PTOV1: variants seen among roughly 807,000 people sequenced by gnomAD.
The protein encoded by PTOV1 is PTOV1 extended AT-hook containing adaptor protein.
Under a neutral mutation model 58.0 loss-of-function variants are expected in PTOV1, and 20 were observed. That is an observed-to-expected ratio of 0.34 (90% CI 0.24 to 0.50). The LOEUF is 0.50. PTOV1 is among the 20% of genes least tolerant of loss of function. The pLI is 0.98. For synonymous variants in PTOV1, 335 were observed against 234.2 expected, an observed-to-expected ratio of 1.43 and a Z score of -3.93; for missense variants, 593 against 565.4, an observed-to-expected ratio of 1.05 and a Z score of -0.50.
exon 10 of PTOV1, chr19:49,858,578 G>C: frequency 6.2e-7 from 1 of 1,605,068 alleles, no homozygotes; most frequent in Non-Finnish European, 8.5e-7. Context: ...TCCGGAACTC[G>C]CGCCTGGTCC....
chr19:49,850,834 G>A (rs551286794), upstream of PTOV1: 68 of 1,534,302 alleles, frequency 4.4e-5, no homozygotes, highest in South Asian at 4.8e-5. Context: ...CCTCTTCCCT[G>A]ATGTATTTTG....
rs1166262103 is a variant in PTOV1, at chr19:49,858,175, T to TG, written c.936+66dup. 5.3e-5 allele frequency: 84 copies of TG among 1,577,364 alleles called. No homozygotes were observed. The South Asian group carries it at 7.0e-4, about 13-fold the overall frequency. ...CAGTAGCTCTTCCAGAGGGCGGGGC[T>TG]GGGGGCAAGAGCGCCTCCCCAGGTG... On this transcript the variant is annotated intron_variant, in intron 9 of 11. Transcript: ENST00000391842.
chr19:49,857,204 C>A (rs1215605101), intron 6 of PTOV1, 74 bp downstream of exon 6: 2 of 1,570,838 alleles, frequency 1.3e-6, no homozygotes, highest in Non-Finnish European at 1.7e-6. Context: ...GGCAGCCAGA[C>A]TTGGTGTGGG....
intron 1 of PTOV1, chr19:49,851,803 C>A (rs1039391751): frequency 2.9e-6 from 3 of 1,027,092 alleles, no homozygotes; most frequent in Non-Finnish European, 3.5e-6. Flanking sequence ...GCAGCCGGCA[C>A]GCTCGCTTGT....
intron 6 of PTOV1, 54 bp downstream of exon 6, chr19:49,857,184 G>A (rs1297264821): frequency 6.2e-7 from 1 of 1,602,530 alleles, no homozygotes; most frequent in African/African-American, 1.3e-5. Flanking sequence ...AGACCCCACT[G>A]CCCTGGTTGG....
At chr19:49,858,700 C>T (rs950554604) in intron 10 of PTOV1, 47 bp downstream of exon 10, 16 of 1,469,584 alleles carry the variant, frequency 1.1e-5, no homozygotes, top group Admixed American at 2.0e-5. Context: ...CAGGGCAGAG[C>T]GAGCCCGGAC....
chr19:49,857,863 T>C, intron 7 of PTOV1, 41 bp from the exon 8 acceptor site: 3 of 1,611,582 alleles, frequency 1.9e-6, no homozygotes, highest in Non-Finnish European at 2.5e-6. Context: ...GCATTGGGGG[T>C]CTCCAGCCCT....
At chr19:49,857,092 G>A (rs756168858) in exon 6 of PTOV1, 51 of 1,614,076 alleles carry the variant, frequency 3.2e-5, no homozygotes, top group Admixed American at 1.5e-4. Context: ...GAGCGGCTTC[G>A]TCAGTGCCAT....
At chr19:49,855,315 GC>G in intron 5 of PTOV1, 1 of 548,554 alleles carries the variant, frequency 1.8e-6, no homozygotes, top group South Asian at 2.0e-5. Context: ...CTTCGAGGTG[GC>G]CCTGGGGGCG....
At chr19:49,857,522 TG>T in intron 6 of PTOV1, 170 bp from the exon 7 acceptor site, 2 of 673,010 alleles carry the variant, frequency 3.0e-6, no homozygotes, top group Non-Finnish European at 5.2e-6. Flanking sequence ...TGGGGAGCCA[TG>T]GGGGGCTGTG....
In PTOV1 at chr19:49,854,739, G is replaced by A; in HGVS notation, c.392+5G>A. ...CGTGAACCAAGGCGAGAACCTGTGA[G>A]TGCCGGGGCGTGGCAGCCAGGGCGG... On this transcript the variant is annotated splice_donor_5th_base_variant and intron_variant, in intron 3 of 11. Coordinates refer to ENST00000391842, the Ensembl canonical transcript of PTOV1. 7 of 1,613,398 alleles carry A rather than the reference G, an allele frequency of 4.3e-6. No individual in the cohort carries two copies. Among genetic ancestry groups the A allele is most frequent in the Non-Finnish European group, 5.9e-6 (7 of 1,179,960 alleles).
intron 9 of PTOV1, 82 bp downstream of exon 9, chr19:49,858,196 A>G: frequency 2.0e-6 from 3 of 1,506,446 alleles, no homozygotes; most frequent in South Asian, 2.4e-5. Flanking sequence ...GCGCCTCCCC[A>G]GGTGGCCTGA....
At position 49,851,402 on chromosome 19, in the gene PTOV1, G is replaced by A. The variant is rs1240342690; in HGVS notation, c.74G>A (p.Arg25Gln). Residue 25 changes from arginine (R) to glutamine (Q), a missense_variant, in exon 1 of 12, where the codon CGG becomes CAG. Physicochemically the swap from Arg to Gln is conservative, Grantham distance 43 (BLOSUM62 1). Transcript: ENST00000391842. The stretch of plus-strand genomic sequence containing the variant: ...CTCGGGGGTCGCGGCCGCCCTCCGC[G>A]GCCCCTCGTGGTGCGCGCCGTCCGC... 1.8e-5 allele frequency: 22 copies of A among 1,189,436 alleles called. No individual in the cohort carries two copies. Among genetic ancestry groups the A allele is most frequent in the Admixed American group, 4.5e-5 (1 of 22,002 alleles). The allele number at this position is 1,189,436 out of a possible 1,614,324, so 73.7% of individuals were successfully genotyped here.
exon 3 of PTOV1, chr19:49,854,669 T>C (rs1307452824): frequency 1.2e-6 from 2 of 1,613,464 alleles, no homozygotes; most frequent in Non-Finnish European, 8.5e-7. Context: ...GACCCTACTC[T>C]GACTCCACTG....
chr19:49,860,392 G>T, exon 12 of PTOV1: 4 of 1,011,142 alleles, frequency 4.0e-6, no homozygotes, highest in Non-Finnish European at 5.7e-6. Context: ...GGGGGGGGTG[G>T]GGTTGGGAAA....
At chr19:49,850,942 T>C (rs569193891), upstream of PTOV1, 2 of 1,535,802 alleles carry the variant, frequency 1.3e-6, no homozygotes, top group Middle Eastern at 1.7e-4. Flanking sequence ...TTCGTTCTTC[T>C]GCCACCCCAT....
At chr19:49,855,840 G>A (rs2074438453) in intron 5 of PTOV1, among the ~76,000 whole-genome samples, 1 of 152,114 alleles carries the variant, frequency 6.6e-6, no homozygotes, top group African/African-American at 2.4e-5. Context: ...AGTGAGTGCT[G>A]GGTGAACCCA....
At chr19:49,859,058 A>G (rs1306142217) in intron 10 of PTOV1, 1 of 164,274 alleles carries the variant, frequency 6.1e-6, no homozygotes, top group East Asian at 1.7e-4. Flanking sequence ...GGGGAGGCTC[A>G]GCTGACTCCT....
chr19:49,854,925 A>G (rs1212317424), intron 4 of PTOV1, 37 bp downstream of exon 4: 2 of 1,497,988 alleles, frequency 1.3e-6, no homozygotes, highest in Non-Finnish European at 1.8e-6. Context: ...CACTCTGAGC[A>G]CCCCCATGCC....
Sources: allele counts gnomAD v4.1 joint callset (sites outside exome capture counted in the v4.1 genomes callset), GRCh38; gene constraint gnomAD v4.1.1; transcripts MANE v1.5; gene names NCBI Gene and HGNC (gene_info 2026-07-23, HGNC 2026-07-21).